GCSAM: variants seen among roughly 807,000 people sequenced by gnomAD.
GCSAM encodes the protein germinal center-associated signaling and motility protein.
In GCSAM, 8 loss-of-function variants were observed where a neutral mutation model predicts 17.6. The ratio of observed to expected loss-of-function variants is 0.46; its 90% CI spans 0.27 to 0.82. The LOEUF (loss-of-function observed/expected upper bound fraction) is 0.82, where lower values mean the gene tolerates loss of function less well. Ranked by LOEUF, GCSAM falls within the 40% of genes least tolerant of loss-of-function variation. The probability of loss-of-function intolerance (pLI) is 0.15; values close to 1 mark genes in which losing one functional copy is unlikely to be tolerated. For missense variants in GCSAM, 192 were observed against 213.5 expected (o/e 0.90, Z 0.63); for synonymous variants, 68 against 69.0 (o/e 0.98, Z 0.07).
chr3:112,126,409 CCTT>C lies in GCSAM; in HGVS notation c.190+575_190+577del, dbSNP rs779978020. Among the ~76,000 whole-genome samples, 6 of 152,294 alleles carry C rather than the reference CCTT, an allele frequency of 3.9e-5. No homozygotes were observed. The East Asian group carries it at 9.6e-4, about 24-fold the overall frequency. On this transcript the variant is annotated intron_variant, in intron 4 of 5. Transcript: ENST00000308910. ...GGTGTGATACAATTCATCACACTCTCCTTCTAGAATTCTTTCTCCTTAACTTCA... is the reference window on the plus strand; with the variant it reads ...GGTGTGATACAATTCATCACACTCTCCTAGAATTCTTTCTCCTTAACTTCA...
intron 3 of GCSAM, among the ~76,000 whole-genome samples, chr3:112,127,717 T>C (rs1252826324): frequency 6.6e-6 from 1 of 152,220 alleles, no homozygotes; most frequent in Non-Finnish European, 1.5e-5. Context: ...AATGTGTGCT[T>C]CGGAACATGC....
At position 112,133,196 on chromosome 3, in the gene GCSAM, C is replaced by T; in HGVS notation, c.-76G>A. 6.6e-7 allele frequency: 1 copy of T among 1,523,594 alleles called. No homozygotes were observed. The highest frequency in any genetic ancestry group is 9.1e-7 in the Non-Finnish European group (1 of 1,098,254). The allele number at this position is 1,523,594 out of a possible 1,614,324, so 94.4% of individuals were successfully genotyped here. ...TGCCTTGTGCTCTGACAGGGCAACT[C>T]CTGACTTAAAGAAAGGGCTGTGTGG... is the stretch of plus-strand genomic sequence containing the variant. On this transcript the variant is annotated 5_prime_UTR_variant, in exon 1 of 6. Transcript: ENST00000308910.
chr3:112,131,094 T>C (rs2074440526), intron 1 of GCSAM: 1 of 154,076 alleles, frequency 6.5e-6, no homozygotes, highest in African/African-American at 2.4e-5. Context: ...ACTTAAACAC[T>C]ACTTACTATA....
chr3:112,131,326 A>G (rs1366731457), intron 1 of GCSAM, among the ~76,000 whole-genome samples: 2 of 152,078 alleles, frequency 1.3e-5, no homozygotes, highest in Non-Finnish European at 2.9e-5. Context: ...GTGCCATTCT[A>G]TTCTGTGCAA....
chr3:112,123,876 G>T, intron 5 of GCSAM, 104 bp from the exon 6 acceptor site: 1 of 1,207,842 alleles, frequency 8.3e-7, no homozygotes, highest in Non-Finnish European at 1.2e-6. Context: ...TGTCTTCTAT[G>T]ACCACCTCCT....
intron 2 of GCSAM, chr3:112,129,500 T>A (rs2074402013): frequency 6.6e-6 from 1 of 152,174 alleles, no homozygotes; most frequent in Non-Finnish European, 1.5e-5. Flanking sequence ...TAGACAAATC[T>A]CTATACCCTT....
chr3:112,130,739 A>G (rs1030091395), intron 1 of GCSAM: 34 of 554,030 alleles, frequency 6.1e-5, no homozygotes, highest in African/African-American at 4.6e-4. Flanking sequence ...ATGTTCTCCA[A>G]CCTCCATGAA....
chr3:112,125,028 A>G (rs1268474265), intron 5 of GCSAM, among the ~76,000 whole-genome samples, 198 bp downstream of exon 5: 1 of 152,178 alleles, frequency 6.6e-6, no homozygotes, highest in African/African-American at 2.4e-5. Flanking sequence ...GTTCCTTTCA[A>G]TAAATTATAC....
chr3:112,126,206 G>A (rs1298532165), intron 4 of GCSAM, among the ~76,000 whole-genome samples: 1 of 152,188 alleles, frequency 6.6e-6, no homozygotes, highest in Non-Finnish European at 1.5e-5. Flanking sequence ...GAGTGAAGTG[G>A]CTAGGGTGGG....
chr3:112,130,539 G>T (rs779755453), intron 1 of GCSAM, 26 bp from the exon 2 acceptor site: 1 of 1,603,958 alleles, frequency 6.2e-7, no homozygotes, highest in Non-Finnish European at 8.5e-7. Flanking sequence ...TCAGAAACAG[G>T]CTAAGTATTT....
At chr3:112,133,034 C>T (rs1274379594) in intron 1 of GCSAM, 58 bp downstream of exon 1, 3 of 1,553,698 alleles carry the variant, frequency 1.9e-6, no homozygotes, top group Non-Finnish European at 2.7e-6. Context: ...TTTTTCTCTT[C>T]CTTGCTGTAT....
At chr3:112,127,226 G>A (rs1354328993) in intron 3 of GCSAM, among the ~76,000 whole-genome samples, 193 bp from the exon 4 acceptor site, 1 of 152,130 alleles carries the variant, frequency 6.6e-6, no homozygotes, top group African/African-American at 2.4e-5. Context: ...ATTCCTTTGT[G>A]CCTCTTTCTC....
chr3:112,131,369 G>A (rs1432959901), intron 1 of GCSAM, among the ~76,000 whole-genome samples: 1 of 152,196 alleles, frequency 6.6e-6, no homozygotes, highest in African/African-American at 2.4e-5. Flanking sequence ...ATTTGATCTG[G>A]AGAGACACGG....
chr3:112,130,405 G>A (rs955624289), intron 2 of GCSAM, 40 bp downstream of exon 2: 3 of 1,549,632 alleles, frequency 1.9e-6, no homozygotes, highest in Non-Finnish European at 2.7e-6. Context: ...CGTTCTCCTT[G>A]GGCAAGGTCT....
At chr3:112,123,891 A>C (rs1576159504) in intron 5 of GCSAM, 119 bp from the exon 6 acceptor site, 3 of 1,032,760 alleles carry the variant, frequency 2.9e-6, no homozygotes, top group Non-Finnish European at 2.8e-6. Flanking sequence ...CCTCCTCCCC[A>C]TCTCTTGGCC....
chr3:112,126,736 C>A (rs2107805383), intron 4 of GCSAM, among the ~76,000 whole-genome samples: 1 of 152,294 alleles, frequency 6.6e-6, no homozygotes, highest in East Asian at 1.9e-4. Flanking sequence ...TGTATCCTTG[C>A]CCCCAGTTAC....
intron 2 of GCSAM, 29 bp from the exon 3 acceptor site, chr3:112,128,090 A>G (rs1295794568): frequency 6.2e-7 from 1 of 1,606,362 alleles, no homozygotes; most frequent in Non-Finnish European, 8.5e-7. Context: ...ATGGCAAATC[A>G]TAAGGTTGAT....
In GCSAM at chr3:112,126,757, C is replaced by T. The variant is rs2074329934; in HGVS notation, c.190+230G>A. Among the ~76,000 whole-genome samples the T allele has an allele frequency of 2.6e-5, 4 of 152,316 alleles. No homozygotes were observed. In the South Asian group the frequency reaches 8.3e-4, roughly 32 times the overall value. ...CTTGCCCCCAGTTACTGCCTTCAGCCTCCAGGCCTCAGGCACTAACTGAGG... is the reference window on the plus strand; with the variant it reads ...CTTGCCCCCAGTTACTGCCTTCAGCTTCCAGGCCTCAGGCACTAACTGAGG... On this transcript the variant is annotated intron_variant, in intron 4 of 5. Coordinates refer to ENST00000308910, the MANE Select transcript of GCSAM (RefSeq NM_152785.5).
rs768683994 is a variant in GCSAM, at chr3:112,133,172, G to C, written c.-52C>G. ...TCCGTCCCTTTACCACTTCCTTCTTGCCTTGTGCTCTGACAGGGCAACTCC... is the reference window on the plus strand; with the variant it reads ...TCCGTCCCTTTACCACTTCCTTCTTCCCTTGTGCTCTGACAGGGCAACTCC... On this transcript the variant is annotated 5_prime_UTR_variant, in exon 1 of 6. Transcript: ENST00000308910. 1.2e-6 allele frequency: 2 copies of C among 1,602,360 alleles called. No individual in the cohort carries two copies. The highest frequency in any genetic ancestry group is 2.7e-5 in the African/African-American group (2 of 74,658).
Sources: allele counts gnomAD v4.1 joint callset (sites outside exome capture counted in the v4.1 genomes callset), GRCh38; gene constraint gnomAD v4.1.1; transcripts MANE v1.5; gene names NCBI Gene and HGNC (gene_info 2026-07-23, HGNC 2026-07-21).